The following GPM6A variants were observed in gnomAD, a reference collection of about 807,000 sequenced individuals.
GPM6A encodes glycoprotein M6A, also known as neuronal membrane glycoprotein M6-a.
GPM6A carries 7 observed loss-of-function variants against 32.1 expected under a neutral mutation model. The observed-to-expected ratio is 0.22, with a 90% CI of 0.12 to 0.41. The LOEUF is 0.41. GPM6A is among the 10% of genes least tolerant of loss of function. The probability of loss-of-function intolerance (pLI) is 1.00; values close to 1 mark genes in which losing one functional copy is unlikely to be tolerated. For missense variants in GPM6A, 235 were observed against 347.2 expected (o/e 0.68, Z 2.57); for synonymous variants, 130 against 123.4 (o/e 1.05, Z -0.35).
intron 1 of GPM6A, among the ~76,000 whole-genome samples, chr4:175,827,679 G>T (rs980076376): frequency 2.0e-5 from 3 of 152,162 alleles, no homozygotes; most frequent in Non-Finnish European, 4.4e-5. Context: ...GGTTTGGTCC[G>T]CATGATGTTC....
intron 1 of GPM6A, among the ~76,000 whole-genome samples, chr4:175,936,306 C>CAAAAAAAAAAAAAAAAAAAAAAAA (rs35653197): frequency 2.2e-5 from 1 of 45,576 alleles, no homozygotes. Flanking sequence ...ACTCTGTCTC[C>CAAAAAAAAAAAAAAAAAAAAAAAA]AAAAAAAAAA....
intron 1 of GPM6A, among the ~76,000 whole-genome samples, chr4:175,827,954 G>T (rs1262860158): frequency 1.3e-5 from 2 of 152,156 alleles, no homozygotes; most frequent in African/African-American, 4.8e-5. Context: ...AAAGCTAAGA[G>T]AAAGGCCTCA....
At chr4:175,653,394 A>G (rs1472330815) in intron 3 of GPM6A, among the ~76,000 whole-genome samples, 2 of 152,046 alleles carry the variant, frequency 1.3e-5, no homozygotes, top group African/African-American at 2.4e-5. Context: ...TCTCATCTCA[A>G]CTCTTACTTC....
chr4:175,698,596 G>A (rs1744701710), intron 2 of GPM6A, among the ~76,000 whole-genome samples: 1 of 152,100 alleles, frequency 6.6e-6, no homozygotes, highest in South Asian at 2.1e-4. Context: ...CGTATTAAGA[G>A]GTTTACAGTA....
intron 1 of GPM6A, among the ~76,000 whole-genome samples, chr4:175,998,415 C>CAA (rs1221940713): frequency 3.3e-5 from 5 of 152,234 alleles, no homozygotes; most frequent in African/African-American, 1.2e-4. Context: ...TCCTGCCTCT[C>CAA]AAAGTGCTGA....
At chr4:175,679,659 T>A in intron 2 of GPM6A, among the ~76,000 whole-genome samples, 1 of 152,210 alleles carries the variant, frequency 6.6e-6, no homozygotes, top group East Asian at 1.9e-4. Flanking sequence ...GGTATTCTGA[T>A]GCAAGAAGAG....
intron 4 of GPM6A, among the ~76,000 whole-genome samples, chr4:175,643,603 T>A (rs1265516744): frequency 6.6e-6 from 1 of 152,014 alleles, no homozygotes; most frequent in Non-Finnish European, 1.5e-5. Context: ...CAGTAGGTAG[T>A]CAGACATGAG....
At chr4:175,925,647 C>T (rs948063058) in intron 1 of GPM6A, among the ~76,000 whole-genome samples, 13 of 151,974 alleles carry the variant, frequency 8.6e-5, no homozygotes, top group African/African-American at 2.9e-4. Flanking sequence ...TGTAGTATAG[C>T]TTTGGAATAA....
intron 1 of GPM6A, among the ~76,000 whole-genome samples, chr4:175,755,539 CA>C (rs1300339380): frequency 6.6e-6 from 1 of 152,064 alleles, no homozygotes. Context: ...TGTTCTAACA[CA>C]TTAAATAGGA....
At chr4:175,747,040 G>A (rs1028929951) in intron 1 of GPM6A, among the ~76,000 whole-genome samples, 1 of 152,096 alleles carries the variant, frequency 6.6e-6, no homozygotes, top group African/African-American at 2.4e-5. Flanking sequence ...AGGAGGCTGA[G>A]GTGGGTGGAT....
chr4:175,867,791 C>T (rs1020735277), intron 1 of GPM6A, among the ~76,000 whole-genome samples: 1 of 152,180 alleles, frequency 6.6e-6, no homozygotes, highest in Non-Finnish European at 1.5e-5. Flanking sequence ...CCTTATCCCA[C>T]ATGAAAGGCT....
chr4:175,788,528 T>A (rs563783964), intron 1 of GPM6A, among the ~76,000 whole-genome samples: 1 of 152,158 alleles, frequency 6.6e-6, no homozygotes, highest in Non-Finnish European at 1.5e-5. Flanking sequence ...AATCAAAGCA[T>A]CATACAGATG....
chr4:175,748,146 C>A (rs762087014), intron 1 of GPM6A, among the ~76,000 whole-genome samples: 45 of 152,198 alleles, frequency 3.0e-4, no homozygotes, highest in Non-Finnish European at 5.9e-4. Flanking sequence ...AAGTCTTGAA[C>A]CCCTCAAAGT....
At chr4:175,996,301 A>G (rs1741306111) in intron 1 of GPM6A, among the ~76,000 whole-genome samples, 1 of 152,202 alleles carries the variant, frequency 6.6e-6, no homozygotes, top group Admixed American at 6.5e-5. Flanking sequence ...TTAGTTAAAT[A>G]CATCTCTTCA....
intron 1 of GPM6A, among the ~76,000 whole-genome samples, chr4:175,762,759 G>T (rs779951444): frequency 3.3e-5 from 5 of 152,156 alleles, no homozygotes; most frequent in Non-Finnish European, 5.9e-5. Flanking sequence ...CAGTGCAGAT[G>T]ATTGCTTTTT....
At chr4:175,750,238 A>G (rs545915310) in intron 1 of GPM6A, among the ~76,000 whole-genome samples, 6 of 151,944 alleles carry the variant, frequency 3.9e-5, no homozygotes, top group Admixed American at 2.6e-4. Flanking sequence ...TTGTATTTTT[A>G]TTAGAGATGG....
At chr4:175,948,261 C>T (rs1196820472) in intron 1 of GPM6A, among the ~76,000 whole-genome samples, 2 of 152,090 alleles carry the variant, frequency 1.3e-5, no homozygotes, top group Non-Finnish European at 2.9e-5. Flanking sequence ...GAGGTGAGAC[C>T]TTTGGGAGGT....
intron 1 of GPM6A, among the ~76,000 whole-genome samples, chr4:175,920,896 C>G (rs367646162): frequency 6.6e-6 from 1 of 151,790 alleles, no homozygotes; most frequent in Non-Finnish European, 1.5e-5. Flanking sequence ...TATTATTGCT[C>G]TTTATTGAAT....
intron 1 of GPM6A, among the ~76,000 whole-genome samples, chr4:175,971,179 T>C (rs967047640): frequency 1.3e-5 from 2 of 151,702 alleles, no homozygotes; most frequent in African/African-American, 4.9e-5. Flanking sequence ...AATATCTTAG[T>C]GGTTTGGATT....
Sources: gnomAD v4.1 joint callset for allele counts (sites outside exome capture counted in the v4.1 genomes callset) on GRCh38, gnomAD v4.1.1 for gene constraint, MANE v1.5 for transcripts, NCBI Gene and HGNC (gene_info 2026-07-23, HGNC 2026-07-21) for gene names.